The following RGS18 variants were observed in gnomAD, a reference collection of about 807,000 sequenced individuals.
RGS18 encodes the protein regulator of G-protein signaling 18.
Under a neutral mutation model 27.6 loss-of-function variants are expected in RGS18, and 22 were observed. The ratio of observed to expected loss-of-function variants is 0.80; its 90% CI spans 0.57 to 1.14. The LOEUF is 1.14. Among genes scored for constraint, RGS18 ranks in the 50% most tolerant of loss-of-function variants. RGS18 has a pLI of 0.00. For missense variants in RGS18, 299 were observed against 269.6 expected (o/e 1.11, Z -0.76); for synonymous variants, 89 against 84.6 (o/e 1.05, Z -0.29).
chr1:192,174,017 CT>C (rs1034505534), intron 3 of RGS18, among the ~76,000 whole-genome samples: 3 of 148,994 alleles, frequency 2.0e-5, no homozygotes, highest in African/African-American at 2.5e-5. Context: ...TTTTTTCTTT[CT>C]TTTTTTTTAC....
At chr1:192,176,977 C>A (rs1408791744) in intron 3 of RGS18, among the ~76,000 whole-genome samples, 1 of 151,666 alleles carries the variant, frequency 6.6e-6, no homozygotes, top group Non-Finnish European at 1.5e-5. Context: ...CCAGGAAGGA[C>A]CCAACTCTCA....
At position 192,185,540 on chromosome 1, in the gene RGS18, T is replaced by C. The variant is rs1656533755; in HGVS notation, c.*986T>C. 1 of 151,652 alleles carries C rather than the reference T, an allele frequency of 6.6e-6. No individual in the cohort carries two copies. Among genetic ancestry groups the C allele is most frequent in the Non-Finnish European group, 1.5e-5 (1 of 67,722 alleles). 9.4% of individuals were successfully genotyped at this position (151,652 alleles called of 1,614,324 possible). A position where few individuals can be genotyped will look rare whatever the true frequency, so the allele number is the denominator to read the frequency against. On this transcript the variant is annotated 3_prime_UTR_variant, in exon 5 of 5. Transcript: ENST00000367460. ...TATTCAGAAAGTGTTATCTCATTGA[T>C]TATATTCTTGTTAAGCAAATCTCCT...
At position 192,179,887 on chromosome 1, in the gene RGS18, A is replaced by C. The variant is rs1273472596; in HGVS notation, c.284-1405A>C. ...AACTTTCTGTATCTTGATTATATTA[A>C]TTAATGTCACTATCCTAGCTGTGAT... On this transcript the variant is annotated intron_variant, in intron 3 of 4. Transcript: ENST00000367460. 3.3e-5 allele frequency among the ~76,000 whole-genome samples: 5 copies of C among 151,558 alleles called. No individual in the cohort carries two copies. The East Asian group carries it at 9.7e-4, about 29-fold the overall frequency.
In RGS18 at chr1:192,160,437, G is replaced by T; in HGVS notation, c.281G>T (p.Arg94Ile). Reference sequence around the variant, plus strand: ...TCATTTGACAAACTGCTTTCCCATAGAGGTTAGTGGTACTTTCACCAAATA... The same window carrying T: ...TCATTTGACAAACTGCTTTCCCATATAGGTTAGTGGTACTTTCACCAAATA... The part of the protein sequence containing the change: ...GESFDKLLSH[R>I]DGLEAFTRFL... Residue 94 changes from arginine (R) to isoleucine (I), a missense_variant and splice_region_variant, in exon 3 of 5, where the codon AGA (arginine) becomes ATA (isoleucine). Transcript: ENST00000367460. 6.2e-7 allele frequency: 1 copy of T among 1,605,754 alleles called. No individual in the cohort carries two copies. The highest frequency in any genetic ancestry group is 8.5e-7 in the Non-Finnish European group (1 of 1,172,600).
chr1:192,161,419 T>C (rs1385021729), intron 3 of RGS18: 1 of 152,168 alleles, frequency 6.6e-6, no homozygotes, highest in Non-Finnish European at 1.5e-5. Flanking sequence ...TGAGTGAACT[T>C]TGTTGTCTGT....
intron 3 of RGS18, among the ~76,000 whole-genome samples, chr1:192,180,566 T>A (rs1160342897): frequency 6.6e-6 from 1 of 151,690 alleles, no homozygotes; most frequent in Non-Finnish European, 1.5e-5. Context: ...CTTTAAAATA[T>A]ATATGCTAGC....
chr1:192,184,482 TAGG>T lies in RGS18; in HGVS notation c.639_641del (p.Arg215del). The T allele has an allele frequency of 1.2e-6, 2 of 1,611,558 alleles. No homozygotes were observed. Among genetic ancestry groups the T allele is most frequent in the Non-Finnish European group, 1.7e-6 (2 of 1,178,384 alleles). On this transcript the variant is annotated inframe_deletion, in exon 5 of 5. Transcript: ENST00000367460. ...GAAGACCTCAGAGACCAACAAATCTTAGGAGACGATCACGCTCATTTACCTGCA... is the reference window on the plus strand; with the variant it reads ...GAAGACCTCAGAGACCAACAAATCTTAGACGATCACGCTCATTTACCTGCA...
intron 3 of RGS18, among the ~76,000 whole-genome samples, chr1:192,170,583 G>T (rs1656237014): frequency 6.6e-6 from 1 of 151,170 alleles, no homozygotes; most frequent in South Asian, 2.1e-4. Flanking sequence ...AATGCAAAAT[G>T]AACTAACATA....
chr1:192,172,760 T>C (rs1050751664), intron 3 of RGS18, among the ~76,000 whole-genome samples: 4 of 151,444 alleles, frequency 2.6e-5, no homozygotes, highest in African/African-American at 7.3e-5. Context: ...GAACTATATT[T>C]AGTTCCTTTT....
At chr1:192,178,149 A>G (rs1490974094) in intron 3 of RGS18, among the ~76,000 whole-genome samples, 4 of 151,678 alleles carry the variant, frequency 2.6e-5, no homozygotes, top group Non-Finnish European at 5.9e-5. Flanking sequence ...TATGTGTGAG[A>G]TAAGAGGAAA....
chr1:192,175,066 G>A lies in RGS18; in HGVS notation c.284-6226G>A, dbSNP rs138983338. Among the ~76,000 whole-genome samples, 680 of 151,600 alleles carry A rather than the reference G, an allele frequency of 4.5e-3. 5 individuals carry two copies. Among genetic ancestry groups the A allele is most frequent in the African/African-American group, 0.015 (626 of 41,372 alleles). On this transcript the variant is annotated intron_variant, in intron 3 of 4. Transcript: ENST00000367460. The stretch of plus-strand genomic sequence containing the variant: ...CCATCCCTTCTGCAGTCTTTAATCT[G>A]TTGCCATGACCATCCAATATTTTTT...
chr1:192,176,055 C>A (rs551887814), intron 3 of RGS18, among the ~76,000 whole-genome samples: 1 of 151,706 alleles, frequency 6.6e-6, no homozygotes. Context: ...TTTTTATGTC[C>A]GAGGGAATAC....
chr1:192,182,092 T>C (rs1440536810), intron 4 of RGS18, among the ~76,000 whole-genome samples: 1 of 151,662 alleles, frequency 6.6e-6, no homozygotes, highest in African/African-American at 2.4e-5. Flanking sequence ...CATTCATCCT[T>C]TGATGGACAT....
chr1:192,180,837 A>G (rs1379151882), intron 3 of RGS18, among the ~76,000 whole-genome samples: 1 of 151,590 alleles, frequency 6.6e-6, no homozygotes, highest in Non-Finnish European at 1.5e-5. Flanking sequence ...GGACTTGGAG[A>G]AAAGGCTGTG....
At chr1:192,162,566 A>G (rs907744379) in intron 3 of RGS18, among the ~76,000 whole-genome samples, 1 of 152,164 alleles carries the variant, frequency 6.6e-6, no homozygotes, top group Non-Finnish European at 1.5e-5. Flanking sequence ...TACAGGCGTG[A>G]GTCATCATGC....
intron 2 of RGS18, among the ~76,000 whole-genome samples, chr1:192,159,958 C>T (rs1309914314): frequency 2.6e-5 from 4 of 151,664 alleles, no homozygotes; most frequent in African/African-American, 9.7e-5. Context: ...AATTTGCAGC[C>T]TAGTGTGGTT....
At chr1:192,170,068 C>T (rs985430505) in intron 3 of RGS18, among the ~76,000 whole-genome samples, 8 of 152,276 alleles carry the variant, frequency 5.3e-5, no homozygotes, top group African/African-American at 7.2e-5. Flanking sequence ...GCAGAGGCTA[C>T]GGCTAACTGC....
Position 192,160,446 on chromosome 1 carries a change from G to A in RGS18, c.283+7G>A. ...AAACTGCTTTCCCATAGAGGTTAGT[G>A]GTACTTTCACCAAATACTTTGTGTG... On this transcript the variant is annotated splice_region_variant and intron_variant, in intron 3 of 4. Transcript: ENST00000367460. 6.3e-7 allele frequency: 1 copy of A among 1,599,934 alleles called. No individual in the cohort carries two copies. The highest frequency in any genetic ancestry group is 8.6e-7 in the Non-Finnish European group (1 of 1,167,474).
intron 4 of RGS18, 105 bp from the exon 5 acceptor site, chr1:192,184,191 TA>T: frequency 9.9e-7 from 1 of 1,007,964 alleles, no homozygotes; most frequent in Non-Finnish European, 1.5e-6. Context: ...TATCTGCTTC[TA>T]AGCCCAAGAT....
Sources: gnomAD v4.1 joint callset for allele counts (sites outside exome capture counted in the v4.1 genomes callset) on GRCh38, gnomAD v4.1.1 for gene constraint, MANE v1.5 for transcripts, NCBI Gene and HGNC (gene_info 2026-07-23, HGNC 2026-07-21) for gene names.